Variants in FGF12 observed in about 807,000 individuals in gnomAD.
FGF12 encodes fibroblast growth factor 12.
Under a neutral mutation model 23.6 loss-of-function variants are expected in FGF12, and 14 were observed. The ratio of observed to expected loss-of-function variants is 0.59; its 90% CI spans 0.39 to 0.93. FGF12 has a LOEUF of 0.93. Among genes scored for constraint, FGF12 ranks in the 40% least tolerant of loss-of-function variants. FGF12 has a pLI of 0.00. For synonymous variants in FGF12, 62 were observed against 77.3 expected, an observed-to-expected ratio of 0.80 and a Z score of 1.04; for missense variants, 175 against 217.8, an observed-to-expected ratio of 0.80 and a Z score of 1.24.
intron 4 of FGF12, among the ~76,000 whole-genome samples, chr3:192,195,310 C>T (rs1465004965): frequency 1.3e-5 from 2 of 152,130 alleles, no homozygotes; most frequent in Non-Finnish European, 2.9e-5. Context: ...TTTATAATGA[C>T]AGATACAGTT....
intron 5 of FGF12, among the ~76,000 whole-genome samples, chr3:192,149,993 T>C (rs1713958794): frequency 8.5e-6 from 1 of 118,004 alleles, no homozygotes; most frequent in African/African-American, 3.1e-5. Flanking sequence ...CCTGACTTTT[T>C]AATGATTGCC....
At chr3:192,237,714 G>A (rs531080741) in intron 4 of FGF12, among the ~76,000 whole-genome samples, 9 of 152,224 alleles carry the variant, frequency 5.9e-5, no homozygotes, top group African/African-American at 1.9e-4. Flanking sequence ...AAATGGATGT[G>A]TACTCTTTCA....
intron 3 of FGF12, among the ~76,000 whole-genome samples, chr3:192,359,828 A>G (rs1415107545): frequency 4.0e-5 from 6 of 151,282 alleles, no homozygotes; most frequent in Non-Finnish European, 7.4e-5. Flanking sequence ...TTTCAGGTCT[A>G]TCAGTCTTCA....
chr3:192,183,834 T>C (rs9848565), intron 4 of FGF12, among the ~76,000 whole-genome samples: 38,842 of 152,102 alleles, frequency 0.26, 6,185 homozygotes, highest in African/African-American at 0.44. Context: ...GATTAGAACC[T>C]GCTCTCCAGT....
rs188849449 is a variant in FGF12, at chr3:192,423,611, C to G, written c.14-63073G>C. ...GAAAGAACTTTAAGAATTATTCAGG[C>G]TTATGCCCTCATTTTAAAGATTATG... On this transcript the variant is annotated intron_variant, in intron 2 of 5. Coordinates refer to ENST00000445105, the MANE Select transcript of FGF12 (RefSeq NM_004113.6). 4.4e-4 allele frequency among the ~76,000 whole-genome samples: 67 copies of G among 152,230 alleles called. 1 individual carries two copies. Among genetic ancestry groups the G allele is most frequent in the African/African-American group, 1.6e-3 (67 of 41,552 alleles).
intron 5 of FGF12, among the ~76,000 whole-genome samples, chr3:192,165,058 A>T (rs2108609978): frequency 6.6e-6 from 1 of 152,108 alleles, no homozygotes; most frequent in East Asian, 1.9e-4. Flanking sequence ...GTTGAAAGTG[A>T]TTCTCCTGCC....
At chr3:192,486,833 T>C (rs1723649231) in intron 2 of FGF12, among the ~76,000 whole-genome samples, 1 of 152,102 alleles carries the variant, frequency 6.6e-6, no homozygotes, top group South Asian at 2.1e-4. Flanking sequence ...TGGACAAGGA[T>C]ACGACCTCTT....
intron 2 of FGF12, among the ~76,000 whole-genome samples, chr3:192,378,028 T>C (rs907902266): frequency 3.7e-5 from 3 of 81,576 alleles, no homozygotes; most frequent in African/African-American, 4.6e-5. Flanking sequence ...ACTCTTTCTT[T>C]TCTTTCTTTC....
intron 2 of FGF12, among the ~76,000 whole-genome samples, chr3:192,458,676 C>T (rs1301709186): frequency 6.6e-6 from 1 of 152,106 alleles, no homozygotes; most frequent in East Asian, 1.9e-4. Context: ...TTTGCCTTGT[C>T]TCAGATAAGA....
At chr3:192,555,690 C>T (rs1019496120) in intron 2 of FGF12, among the ~76,000 whole-genome samples, 2 of 141,994 alleles carry the variant, frequency 1.4e-5, no homozygotes, top group Non-Finnish European at 3.0e-5. Flanking sequence ...CCCAGCTAAT[C>T]GGGAGGCTGA....
intron 4 of FGF12, among the ~76,000 whole-genome samples, chr3:192,285,420 A>G (rs1301513253): frequency 1.3e-5 from 2 of 152,110 alleles, no homozygotes; most frequent in Non-Finnish European, 2.9e-5. Flanking sequence ...TCAATGACTT[A>G]TGAAGAATAT....
intron 3 of FGF12, among the ~76,000 whole-genome samples, chr3:192,354,567 A>G (rs890583331): frequency 1.3e-5 from 2 of 152,216 alleles, no homozygotes; most frequent in Non-Finnish European, 1.5e-5. Context: ...CATTTCATAG[A>G]ATCAGATATA....
chr3:192,499,167 C>A (rs866253696), intron 2 of FGF12, among the ~76,000 whole-genome samples: 3 of 151,976 alleles, frequency 2.0e-5, no homozygotes, highest in Admixed American at 6.6e-5. Context: ...ACGCTTTGGA[C>A]GTACACTATT....
intron 2 of FGF12, among the ~76,000 whole-genome samples, chr3:192,419,369 G>T (rs995487914): frequency 6.6e-6 from 1 of 152,146 alleles, no homozygotes; most frequent in Non-Finnish European, 1.5e-5. Flanking sequence ...TGAGGCCTAT[G>T]TTCAAGTGTT....
intron 2 of FGF12, among the ~76,000 whole-genome samples, chr3:192,638,504 T>C (rs1577092292): frequency 6.6e-6 from 1 of 152,232 alleles, no homozygotes; most frequent in Non-Finnish European, 1.5e-5. Flanking sequence ...TGTAGCTTCA[T>C]GCACTCTGCA....
chr3:192,469,254 C>T (rs1688039218), intron 2 of FGF12, among the ~76,000 whole-genome samples: 1 of 152,296 alleles, frequency 6.6e-6, no homozygotes, highest in East Asian at 1.9e-4. Flanking sequence ...GATCTGGTTG[C>T]TAAGTGTGTT....
chr3:192,324,195 T>C (rs997716287), intron 4 of FGF12, among the ~76,000 whole-genome samples: 1 of 151,944 alleles, frequency 6.6e-6, no homozygotes, highest in African/African-American at 2.4e-5. Flanking sequence ...ATAATAATAA[T>C]AAAATGCAAC....
At chr3:192,411,849 A>G (rs1429079155) in intron 2 of FGF12, among the ~76,000 whole-genome samples, 1 of 152,214 alleles carries the variant, frequency 6.6e-6, no homozygotes, top group Non-Finnish European at 1.5e-5. Flanking sequence ...TCTCTTTTAT[A>G]TTCTCAAAAT....
At chr3:192,339,507 T>A (rs1717588817) in intron 3 of FGF12, among the ~76,000 whole-genome samples, 1 of 152,160 alleles carries the variant, frequency 6.6e-6, no homozygotes, top group African/African-American at 2.4e-5. Flanking sequence ...ACCCTTTCCA[T>A]CTGCTGTAAC....
Sources: allele counts gnomAD v4.1 joint callset (sites outside exome capture counted in the v4.1 genomes callset), GRCh38; gene constraint gnomAD v4.1.1; transcripts MANE v1.5; gene names NCBI Gene and HGNC (gene_info 2026-07-23, HGNC 2026-07-21).